Variants in LYPLAL1 observed in about 807,000 individuals in gnomAD.
The protein encoded by LYPLAL1 is lysophospholipase like 1.
In LYPLAL1, 23 loss-of-function variants were observed where a neutral mutation model predicts 19.7. The ratio of observed to expected loss-of-function variants is 1.17; its 90% CI spans 0.84 to 1.65. The LOEUF is 1.65. LYPLAL1 is among the 40% of genes most tolerant of loss of function. The pLI, the probability that LYPLAL1 is intolerant of heterozygous loss-of-function variation, is 0.00. For synonymous variants in LYPLAL1, 119 were observed against 96.3 expected, an observed-to-expected ratio of 1.24 and a Z score of -1.38; for missense variants, 355 against 279.4, an observed-to-expected ratio of 1.27 and a Z score of -1.93.
chr1:219,185,387 ATATT>A (rs1164992048), intron 2 of LYPLAL1, among the ~76,000 whole-genome samples: 1 of 151,280 alleles, frequency 6.6e-6, no homozygotes, highest in East Asian at 1.9e-4. Flanking sequence ...TATTTCATTT[ATATT>A]TATTCTTATG....
At chr1:219,444,341 T>G in the LYPLAL1 span, among the ~76,000 whole-genome samples, 1 of 152,230 alleles carries the variant, frequency 6.6e-6, no homozygotes, top group Non-Finnish European at 1.5e-5. Flanking sequence ...CTCTTTCCTT[T>G]GTGTACACAG....
At chr1:219,432,109 G>A in the LYPLAL1 span, among the ~76,000 whole-genome samples, 7 of 152,068 alleles carry the variant, frequency 4.6e-5, no homozygotes, top group Non-Finnish European at 8.8e-5. Context: ...TCTTTCCTGG[G>A]GCTAACTATA....
the LYPLAL1 span, among the ~76,000 whole-genome samples, chr1:219,314,600 G>C: frequency 1.3e-5 from 2 of 151,812 alleles, no homozygotes; most frequent in Non-Finnish European, 2.9e-5. Flanking sequence ...GACCACCACC[G>C]CGCCCAGCTA....
At chr1:219,392,683 C>A in the LYPLAL1 span, among the ~76,000 whole-genome samples, 15 of 152,136 alleles carry the variant, frequency 9.9e-5, no homozygotes, top group African/African-American at 3.4e-4. Context: ...TAATTTTCTT[C>A]TATCCTCATC....
chr1:219,357,933 G>A, the LYPLAL1 span, among the ~76,000 whole-genome samples: 1 of 152,172 alleles, frequency 6.6e-6, no homozygotes, highest in South Asian at 2.1e-4. Flanking sequence ...AAGCTAGTCT[G>A]CAAAGGCTAC....
chr1:219,431,247 T>C, the LYPLAL1 span, among the ~76,000 whole-genome samples: 1 of 151,608 alleles, frequency 6.6e-6, no homozygotes, highest in Non-Finnish European at 1.5e-5. Flanking sequence ...GGGAAAGGAG[T>C]TGGATTTATT....
chr1:219,186,924 T>C (rs958267125), intron 2 of LYPLAL1, among the ~76,000 whole-genome samples: 2 of 151,772 alleles, frequency 1.3e-5, no homozygotes, highest in Non-Finnish European at 2.9e-5. Flanking sequence ...TCACACTTTC[T>C]ATTGAATTAT....
At chr1:219,369,559 A>G in the LYPLAL1 span, among the ~76,000 whole-genome samples, 1 of 152,266 alleles carries the variant, frequency 6.6e-6, no homozygotes, top group Non-Finnish European at 1.5e-5. Context: ...GGCGTGAGCC[A>G]CTGATCCTGG....
the LYPLAL1 span, among the ~76,000 whole-genome samples, chr1:219,384,223 A>C: frequency 2.6e-5 from 4 of 152,354 alleles, no homozygotes; most frequent in African/African-American, 9.6e-5. Flanking sequence ...CAAAATAGAA[A>C]AATCTTCCTT....
the LYPLAL1 span, among the ~76,000 whole-genome samples, chr1:219,275,634 A>G: frequency 6.6e-6 from 1 of 152,192 alleles, no homozygotes; most frequent in East Asian, 1.9e-4. Flanking sequence ...TCCATAGAGT[A>G]GAACAAGAAT....
the LYPLAL1 span, among the ~76,000 whole-genome samples, chr1:219,244,955 C>G: frequency 2.0e-5 from 3 of 149,270 alleles, no homozygotes; most frequent in Admixed American, 1.3e-4. Context: ...AAATTTCTTC[C>G]TTTCTCTTCC....
At chr1:219,374,932 G>A in the LYPLAL1 span, among the ~76,000 whole-genome samples, 1 of 152,152 alleles carries the variant, frequency 6.6e-6, no homozygotes, top group East Asian at 1.9e-4. Context: ...TACTTGGGGG[G>A]ATGGATTTGA....
At chr1:219,445,327 C>G in the LYPLAL1 span, among the ~76,000 whole-genome samples, 2 of 132,070 alleles carry the variant, frequency 1.5e-5, no homozygotes, top group African/African-American at 5.9e-5. Context: ...CAAGCATTGT[C>G]AATTCTCATA....
At chr1:219,355,617 A>G in the LYPLAL1 span, among the ~76,000 whole-genome samples, 1 of 152,194 alleles carries the variant, frequency 6.6e-6, no homozygotes, top group Admixed American at 6.5e-5. Context: ...TAATAACAAA[A>G]GAATCAATCA....
the LYPLAL1 span, among the ~76,000 whole-genome samples, chr1:219,372,514 T>G: frequency 6.6e-6 from 1 of 152,140 alleles, no homozygotes; most frequent in Non-Finnish European, 1.5e-5. Context: ...TGGGTTCTAA[T>G]GCGAACTCTG....
At chr1:219,289,642 TCA>T in the LYPLAL1 span, among the ~76,000 whole-genome samples, 4 of 152,220 alleles carry the variant, frequency 2.6e-5, no homozygotes, top group East Asian at 1.9e-4. Flanking sequence ...AAAATTACTC[TCA>T]GTCTTTTCAC....
At chr1:219,176,631 T>G (rs1309963358) in intron 1 of LYPLAL1, among the ~76,000 whole-genome samples, 1 of 152,224 alleles carries the variant, frequency 6.6e-6, no homozygotes, top group Non-Finnish European at 1.5e-5. Flanking sequence ...CCATTAATGA[T>G]GGGGTTTCTC....
At position 219,196,535 on chromosome 1, in the gene LYPLAL1, G is replaced by A. The variant is rs1381379251; in HGVS notation, c.361+3284G>A. Among the ~76,000 whole-genome samples the A allele has an allele frequency of 2.6e-5, 4 of 152,014 alleles. No individual in the cohort carries two copies. In the South Asian group the frequency reaches 8.3e-4, roughly 31 times the overall value. The stretch of plus-strand genomic sequence containing the variant: ...GTCATTTATGACAAACCCACAGCCA[G>A]TATCATACTGAATGGACAAAAGCTG... On this transcript the variant is annotated intron_variant, in intron 3 of 4. Coordinates refer to ENST00000366928, the MANE Select transcript of LYPLAL1 (RefSeq NM_138794.5).
At chr1:219,427,755 A>G in the LYPLAL1 span, among the ~76,000 whole-genome samples, 1 of 152,208 alleles carries the variant, frequency 6.6e-6, no homozygotes, top group Admixed American at 6.5e-5. Context: ...GAAATTTCTG[A>G]GAGTTTTGTT....
Sources: gnomAD v4.1 joint callset for allele counts (sites outside exome capture counted in the v4.1 genomes callset) on GRCh38, gnomAD v4.1.1 for gene constraint, MANE v1.5 for transcripts, NCBI Gene and HGNC (gene_info 2026-07-23, HGNC 2026-07-21) for gene names.